Variants in XKR6 observed in about 807,000 individuals in gnomAD.
The protein encoded by XKR6 is XK related 6.
XKR6 carries 22 observed loss-of-function variants against 56.7 expected under a neutral mutation model. The ratio of observed to expected loss-of-function variants is 0.39; its 90% CI spans 0.28 to 0.55. The LOEUF is 0.55. Among genes scored for constraint, XKR6 ranks in the 20% least tolerant of loss-of-function variants. The pLI is 0.66. For missense variants in XKR6, 852 were observed against 889.0 expected (o/e 0.96, Z 0.53); for synonymous variants, 524 against 387.8 (o/e 1.35, Z -4.13).
chr8:11,169,841 A>C (rs1802276081), intron 1 of XKR6, among the ~76,000 whole-genome samples: 1 of 152,232 alleles, frequency 6.6e-6, no homozygotes. Flanking sequence ...TTTACACTAT[A>C]TATATTTTAA....
intron 1 of XKR6, among the ~76,000 whole-genome samples, chr8:11,199,629 G>A (rs1316424993): frequency 6.6e-6 from 1 of 152,220 alleles, no homozygotes; most frequent in Non-Finnish European, 1.5e-5. Flanking sequence ...GGGCACAGAT[G>A]TACCCAGGTG....
At chr8:10,996,465 C>T (rs1056704086) in intron 1 of XKR6, among the ~76,000 whole-genome samples, 1 of 152,142 alleles carries the variant, frequency 6.6e-6, no homozygotes, top group African/African-American at 2.4e-5. Flanking sequence ...TGAGAAGGAC[C>T]AGAGCACATC....
intron 1 of XKR6, among the ~76,000 whole-genome samples, chr8:10,954,192 G>T (rs1586350098): frequency 6.6e-6 from 1 of 152,346 alleles, no homozygotes; most frequent in Non-Finnish European, 1.5e-5. Flanking sequence ...TAGTGGAACT[G>T]CTGGGTCACA....
At chr8:10,956,524 C>T (rs1218493363) in intron 1 of XKR6, among the ~76,000 whole-genome samples, 1 of 152,140 alleles carries the variant, frequency 6.6e-6, no homozygotes, top group Admixed American at 6.5e-5. Flanking sequence ...GGGAGCTCAG[C>T]CAATTATCGA....
chr8:11,071,261 T>G (rs983690949), intron 1 of XKR6, among the ~76,000 whole-genome samples: 3 of 152,108 alleles, frequency 2.0e-5, no homozygotes, highest in Middle Eastern at 3.2e-3. Flanking sequence ...TCTTTTCAGA[T>G]GAAGTTTTGC....
intron 1 of XKR6, among the ~76,000 whole-genome samples, chr8:10,949,323 G>A (rs903265167): frequency 6.6e-6 from 1 of 152,254 alleles, no homozygotes; most frequent in African/African-American, 2.4e-5. Context: ...GAGAAGGCCT[G>A]CCCTTGGTGA....
At chr8:11,106,904 C>A (rs1003571185) in intron 1 of XKR6, among the ~76,000 whole-genome samples, 25 of 140,718 alleles carry the variant, frequency 1.8e-4, no homozygotes, top group Admixed American at 8.3e-4. Context: ...TACAGGCAAA[C>A]CTTAGACAAC....
rs1046037263 is a variant in XKR6, at chr8:11,006,096, G to A, written c.765-81266C>T. ...TGACCTCAAGTGATCCGCCCGCCTC[G>A]GCCTCCCAAAGTGCTGCGATTACAG... On this transcript the variant is annotated intron_variant, in intron 1 of 2. Transcript: ENST00000416569. Among the ~76,000 whole-genome samples, 13 of 151,886 alleles carry A rather than the reference G, an allele frequency of 8.6e-5. 1 individual carries two copies. The highest frequency in any genetic ancestry group is 2.9e-4 in the African/African-American group (12 of 41,364).
intron 1 of XKR6, among the ~76,000 whole-genome samples, chr8:11,164,300 G>T (rs1801963018): frequency 6.6e-6 from 1 of 152,222 alleles, no homozygotes; most frequent in Non-Finnish European, 1.5e-5. Flanking sequence ...TAGGAACGAG[G>T]TCAATTACTT....
At chr8:11,163,548 G>C (rs983120916) in intron 1 of XKR6, among the ~76,000 whole-genome samples, 1 of 152,184 alleles carries the variant, frequency 6.6e-6, no homozygotes, top group South Asian at 2.1e-4. Flanking sequence ...ACAAAATGAA[G>C]TCCTACAACA....
At chr8:11,005,486 G>A (rs908060493) in intron 1 of XKR6, among the ~76,000 whole-genome samples, 1 of 152,132 alleles carries the variant, frequency 6.6e-6, no homozygotes, top group Non-Finnish European at 1.5e-5. Context: ...GAAATGGACG[G>A]TGGTAATGGT....
intron 1 of XKR6, among the ~76,000 whole-genome samples, chr8:11,074,532 T>C (rs67841554): frequency 0.3 from 46,222 of 152,018 alleles, 7,604 homozygotes; most frequent in African/African-American, 0.39. Context: ...AAGAAAGAAA[T>C]GAAGGTGATT....
In XKR6 at chr8:11,201,065, T is replaced by C; in HGVS notation, c.275A>G (p.Asp92Gly). Reference sequence around the variant, plus strand: ...GGCCGCGGGAGGCTGCAGCGGCTGGTCCCCCCCGTCGGCGGCGGCGCTGCG... The same window carrying C: ...GGCCGCGGGAGGCTGCAGCGGCTGGCCCCCCCCGTCGGCGGCGGCGCTGCG... The part of the protein sequence containing the change: ...PRRSAAADGG[D>G]QPLQPPAAPG... The change falls in exon 1 of 3, where the codon GAC becomes GGC. Residue 92 changes from aspartate (D) to glycine (G), a missense_variant. By Grantham distance (94) the Asp-to-Gly change is moderately conservative. Coordinates refer to ENST00000416569, the MANE Select transcript of XKR6 (RefSeq NM_173683.4). 7.7e-7 allele frequency: 1 copy of C among 1,306,556 alleles called. No individual in the cohort carries two copies. The highest frequency in any genetic ancestry group is 9.7e-7 in the Non-Finnish European group (1 of 1,030,878). 80.9% of individuals were successfully genotyped at this position (1,306,556 alleles called of 1,614,324 possible).
At chr8:11,097,208 A>T (rs1313530759) in intron 1 of XKR6, among the ~76,000 whole-genome samples, 1 of 152,208 alleles carries the variant, frequency 6.6e-6, no homozygotes, top group South Asian at 2.1e-4. Flanking sequence ...TAAGCCCTCA[A>T]GAGACACAAA....
chr8:11,129,580 G>C (rs1010490722), intron 1 of XKR6, among the ~76,000 whole-genome samples: 2 of 152,154 alleles, frequency 1.3e-5, no homozygotes, highest in African/African-American at 4.8e-5. Flanking sequence ...TACACGAACA[G>C]TCACAGAATA....
At chr8:10,937,944 C>G (rs958849645) in intron 1 of XKR6, among the ~76,000 whole-genome samples, 28 of 151,278 alleles carry the variant, frequency 1.9e-4, no homozygotes, top group African/African-American at 6.3e-4. Context: ...TCGAGCTTCC[C>G]GGCTGCTTTG....
rs1804113146 is a variant in XKR6, at chr8:11,200,003, G to A, written c.764+573C>T. On this transcript the variant is annotated intron_variant, in intron 1 of 2. Coordinates refer to ENST00000416569, the MANE Select transcript of XKR6 (RefSeq NM_173683.4). The surrounding 1 kb of genome is among the most constrained non-coding windows in gnomAD (Gnocchi z 6.4). ...AAAAAAAAGTCTTTTTTCCTTCTGG[G>A]AAAGCAGTGGTTTGGAGTCATTCAC... Among the ~76,000 whole-genome samples, 1 of 152,170 alleles carries A rather than the reference G, an allele frequency of 6.6e-6. No homozygotes were observed. Among genetic ancestry groups the A allele is most frequent in the African/African-American group, 2.4e-5 (1 of 41,442 alleles).
At chr8:10,994,159 T>C (rs887678610) in intron 1 of XKR6, among the ~76,000 whole-genome samples, 1 of 152,214 alleles carries the variant, frequency 6.6e-6, no homozygotes, top group African/African-American at 2.4e-5. Flanking sequence ...GCAATTGGGT[T>C]TCCCACTGTC....
intron 1 of XKR6, among the ~76,000 whole-genome samples, chr8:11,125,239 G>A (rs1424299473): frequency 2.0e-5 from 3 of 152,092 alleles, no homozygotes; most frequent in African/African-American, 7.2e-5. Flanking sequence ...GCTGAGGACC[G>A]GAGGCGAGGC....
Sources: gnomAD v4.1 joint callset for allele counts (sites outside exome capture counted in the v4.1 genomes callset) on GRCh38, gnomAD v4.1.1 for gene constraint, Gnocchi (gnomAD v3.1) non-coding constraint, MANE v1.5 for transcripts, NCBI Gene and HGNC (gene_info 2026-07-23, HGNC 2026-07-21) for gene names.